The following ELP4 variants were observed in gnomAD, a reference collection of about 807,000 sequenced individuals.
ELP4 encodes elongator complex protein 4.
Under a neutral mutation model 48.9 loss-of-function variants are expected in ELP4, and 51 were observed. The observed-to-expected ratio is 1.04, with a 90% CI of 0.83 to 1.32. The LOEUF is 1.32. ELP4 is among the 40% of genes most tolerant of loss of function. The pLI is 0.00. For synonymous variants in ELP4, 210 were observed against 189.2 expected (o/e 1.11, Z -0.90); for missense variants, 519 against 514.6 (o/e 1.01, Z -0.08).
At chr11:31,606,403 C>G (rs930734133) in intron 5 of ELP4, among the ~76,000 whole-genome samples, 5 of 151,922 alleles carry the variant, frequency 3.3e-5, no homozygotes, top group Admixed American at 3.3e-4. Flanking sequence ...ATAGCTGTGT[C>G]CTACTATCAT....
chr11:31,655,451 A>T (rs1290290245), intron 9 of ELP4, among the ~76,000 whole-genome samples: 1 of 151,988 alleles, frequency 6.6e-6, no homozygotes, highest in Non-Finnish European at 1.5e-5. Context: ...CAATTGGGCC[A>T]ATTAGTGAAC....
At chr11:31,720,837 A>C (rs762639780) in intron 9 of ELP4, among the ~76,000 whole-genome samples, 3 of 152,182 alleles carry the variant, frequency 2.0e-5, no homozygotes, top group Non-Finnish European at 4.4e-5. Context: ...GATAAAGCAA[A>C]AAGAAGATAA....
chr11:31,746,818 A>G (rs1002664242), intron 9 of ELP4, among the ~76,000 whole-genome samples: 2 of 152,132 alleles, frequency 1.3e-5, no homozygotes, highest in Non-Finnish European at 2.9e-5. Flanking sequence ...CAGCACACCA[A>G]CATGGCACAC....
Position 31,611,902 on chromosome 11 carries a change from A to G in ELP4, c.653+7995A>G, listed in dbSNP as rs911138272. Among the ~76,000 whole-genome samples, 6 of 152,352 alleles carry G rather than the reference A, an allele frequency of 3.9e-5. No individual in the cohort carries two copies. The South Asian group carries it at 1.2e-3, about 32-fold the overall frequency. On this transcript the variant is annotated intron_variant, in intron 5 of 9. Transcript: ENST00000640961. ...GGTATACCTTGAGTTGTGTTCACTC[A>G]AAGTCTTTCTAAGTGGAAACATTTT...
At chr11:31,700,720 T>G (rs553193117) in intron 9 of ELP4, among the ~76,000 whole-genome samples, 3 of 152,196 alleles carry the variant, frequency 2.0e-5, no homozygotes, top group African/African-American at 7.2e-5. Context: ...TTCAGGAAAG[T>G]GTCAGATTTA....
intron 7 of ELP4, among the ~76,000 whole-genome samples, chr11:31,635,472 G>A (rs1046668996): frequency 1.1e-4 from 16 of 151,732 alleles, no homozygotes; most frequent in South Asian, 2.1e-4. Flanking sequence ...TAATCTTAAC[G>A]CCACTGTGCT....
chr11:31,697,665 G>A (rs888794276), intron 9 of ELP4, among the ~76,000 whole-genome samples: 2 of 152,032 alleles, frequency 1.3e-5, no homozygotes, highest in Non-Finnish European at 2.9e-5. Flanking sequence ...AATTTAACAT[G>A]TATACCACGT....
At chr11:31,534,916 A>C (rs1240466619) in intron 2 of ELP4, among the ~76,000 whole-genome samples, 2 of 152,198 alleles carry the variant, frequency 1.3e-5, no homozygotes, top group Non-Finnish European at 1.5e-5. Context: ...ATTCTTAGTT[A>C]TACAAAGTAA....
Position 31,783,556 on chromosome 11 carries a change from C to T in ELP4, c.*32C>T. The T allele has an allele frequency of 1.9e-6, 3 of 1,600,764 alleles. No homozygotes were observed. Among genetic ancestry groups the T allele is most frequent in the Non-Finnish European group, 2.6e-6 (3 of 1,171,228 alleles). On this transcript the variant is annotated 3_prime_UTR_variant, in exon 10 of 10. Coordinates refer to ENST00000640961, the MANE Select transcript of ELP4 (RefSeq NM_019040.5). ...CTCCTTAGTCGCTGCATGCAGAATT[C>T]TATGACACTCTAATTATGATTGCTA...
At chr11:31,619,441 C>A (rs1365976380) in intron 5 of ELP4, among the ~76,000 whole-genome samples, 5 of 151,950 alleles carry the variant, frequency 3.3e-5, no homozygotes, top group African/African-American at 1.2e-4. Flanking sequence ...TCTTATGGTT[C>A]TGGAGGCTGT....
rs569248666 is a variant in ELP4 at position 31,776,726 on chromosome 11, A to AT, written c.1144-6663dup. ...CAATGTGCAGTGTTCCAGTGCTGAAATTTTGTCTAATTTTCAAATCAGTCA... is the reference window on the plus strand; with the variant it reads ...CAATGTGCAGTGTTCCAGTGCTGAAATTTTTGTCTAATTTTCAAATCAGTCA... On this transcript the variant is annotated intron_variant, in intron 9 of 9. Coordinates refer to ENST00000640961, the MANE Select transcript of ELP4 (RefSeq NM_019040.5). 9.2e-5 allele frequency among the ~76,000 whole-genome samples: 14 copies of AT among 152,336 alleles called. 1 individual carries two copies. The East Asian group carries it at 2.7e-3, about 29-fold the overall frequency.
At chr11:31,579,676 A>G (rs1280981472) in intron 3 of ELP4, among the ~76,000 whole-genome samples, 6 of 151,658 alleles carry the variant, frequency 4.0e-5, no homozygotes, top group Non-Finnish European at 7.4e-5. Context: ...TGAGCAAAGT[A>G]TCGCAAGGAC....
intron 9 of ELP4, among the ~76,000 whole-genome samples, chr11:31,764,272 C>G (rs1397977380): frequency 1.3e-5 from 2 of 152,218 alleles, no homozygotes; most frequent in African/African-American, 4.8e-5. Context: ...TTGTGCCAAA[C>G]TAGCTGTGTG....
intron 3 of ELP4, among the ~76,000 whole-genome samples, chr11:31,558,714 A>G (rs575141506): frequency 6.6e-6 from 1 of 152,268 alleles, no homozygotes; most frequent in South Asian, 2.1e-4. Context: ...AAAATGAAAT[A>G]TCAGGTTTTC....
chr11:31,601,613 A>T (rs1288304404), intron 4 of ELP4, among the ~76,000 whole-genome samples: 2 of 152,184 alleles, frequency 1.3e-5, no homozygotes, highest in African/African-American at 2.4e-5. Flanking sequence ...ACGGCAACTT[A>T]AAAAGCATAC....
At chr11:31,547,790 G>A (rs193162291) in intron 3 of ELP4, among the ~76,000 whole-genome samples, 3 of 152,098 alleles carry the variant, frequency 2.0e-5, no homozygotes, top group South Asian at 2.1e-4. Flanking sequence ...TATCCACCAC[G>A]ATCAAGTGGA....
At chr11:31,715,646 A>C (rs1946829008) in intron 9 of ELP4, among the ~76,000 whole-genome samples, 1 of 152,212 alleles carries the variant, frequency 6.6e-6, no homozygotes. Context: ...CTAGTTGTAG[A>C]AATAAGGCTA....
chr11:31,764,492 C>A (rs1197053058), intron 9 of ELP4, among the ~76,000 whole-genome samples: 3 of 152,200 alleles, frequency 2.0e-5, no homozygotes, highest in African/African-American at 7.2e-5. Context: ...CACAATAAGG[C>A]ATTGATGTGA....
At chr11:31,529,063 G>T (rs1956347804) in intron 2 of ELP4, among the ~76,000 whole-genome samples, 3 of 150,438 alleles carry the variant, frequency 2.0e-5, no homozygotes, top group Admixed American at 2.0e-4. Flanking sequence ...TATATTTGCA[G>T]TGAGTCAATA....
Sources: gnomAD v4.1 joint callset for allele counts (sites outside exome capture counted in the v4.1 genomes callset) on GRCh38, gnomAD v4.1.1 for gene constraint, MANE v1.5 for transcripts, NCBI Gene and HGNC (gene_info 2026-07-23, HGNC 2026-07-21) for gene names.